The following CFDP1 variants were observed in gnomAD, a reference collection of about 807,000 sequenced individuals.
CFDP1 encodes chromatin remodeling protein CFDP1.
Under a neutral mutation model 40.1 loss-of-function variants are expected in CFDP1, and 31 were observed. That is an observed-to-expected ratio of 0.77 (90% CI 0.58 to 1.04). The LOEUF (loss-of-function observed/expected upper bound fraction) is 1.04, where lower values mean the gene tolerates loss of function less well. Ranked by LOEUF, CFDP1 falls within the 50% of genes least tolerant of loss-of-function variation. The pLI is 0.00. For synonymous variants in CFDP1, 167 were observed against 120.0 expected, an observed-to-expected ratio of 1.39 and a Z score of -2.56; for missense variants, 423 against 343.4, an observed-to-expected ratio of 1.23 and a Z score of -1.83.
Position 75,401,551 on chromosome 16 carries a change from G to T in CFDP1, c.531-6342C>A, listed in dbSNP as rs533275493. Among the ~76,000 whole-genome samples, 8 of 152,078 alleles carry T rather than the reference G, an allele frequency of 5.3e-5. No homozygotes were observed. The South Asian group carries it at 1.7e-3, about 32-fold the overall frequency. Reference sequence around the variant, plus strand: ...GGAGGCAGAGGTTTCAGTGAGCTGAGATAGCGCCACTACACTCCAGTCTGG... The same window carrying T: ...GGAGGCAGAGGTTTCAGTGAGCTGATATAGCGCCACTACACTCCAGTCTGG... On this transcript the variant is annotated intron_variant, in intron 4 of 6. Coordinates refer to ENST00000283882, the MANE Select transcript of CFDP1 (RefSeq NM_006324.3).
intron 5 of CFDP1, among the ~76,000 whole-genome samples, chr16:75,381,443 T>C (rs1549306): frequency 0.52 from 79,583 of 151,856 alleles, 21,788 homozygotes; most frequent in Admixed American, 0.64. Context: ...AAAGGACTCA[T>C]TGGATTGGGC....
intron 5 of CFDP1, among the ~76,000 whole-genome samples, chr16:75,353,529 A>C (rs942157518): frequency 2.0e-5 from 3 of 152,086 alleles, no homozygotes; most frequent in African/African-American, 7.2e-5. Flanking sequence ...TGGGAGGCCG[A>C]GGCGGGCAGA....
chr16:75,338,556 T>C (rs578009710), intron 5 of CFDP1, among the ~76,000 whole-genome samples: 2 of 152,292 alleles, frequency 1.3e-5, no homozygotes, highest in East Asian at 1.9e-4. Context: ...TGGGTGGCTG[T>C]TTCTACCTGC....
intron 4 of CFDP1, among the ~76,000 whole-genome samples, chr16:75,410,943 G>C (rs1244152059): frequency 6.7e-6 from 1 of 150,138 alleles, no homozygotes; most frequent in Non-Finnish European, 1.5e-5. Flanking sequence ...AAAAGGCCAG[G>C]AGTGGCAGCT....
intron 4 of CFDP1, among the ~76,000 whole-genome samples, chr16:75,402,913 ATATAT>A (rs145069352): frequency 0.031 from 4,710 of 152,170 alleles, 218 homozygotes; most frequent in African/African-American, 0.1. Context: ...TTCATGTTAT[ATATAT>A]TATATATCTC....
At chr16:75,374,051 A>G (rs2078773313) in intron 5 of CFDP1, among the ~76,000 whole-genome samples, 1 of 151,660 alleles carries the variant, frequency 6.6e-6, no homozygotes. Context: ...TAAGGAGTTC[A>G]AGACAAGCCT....
intron 5 of CFDP1, among the ~76,000 whole-genome samples, chr16:75,368,816 G>A (rs185632544): frequency 3.3e-5 from 5 of 151,956 alleles, no homozygotes; most frequent in Admixed American, 2.6e-4. Context: ...TGCATTTTTT[G>A]TAGAGATGGA....
At chr16:75,339,027 A>G (rs912671539) in intron 5 of CFDP1, among the ~76,000 whole-genome samples, 4 of 151,990 alleles carry the variant, frequency 2.6e-5, no homozygotes, top group African/African-American at 9.7e-5. Context: ...TTCAATCTAC[A>G]AATTGTTGCT....
chr16:75,382,485 T>C (rs2078860666), intron 5 of CFDP1, among the ~76,000 whole-genome samples: 1 of 152,216 alleles, frequency 6.6e-6, no homozygotes, highest in African/African-American at 2.4e-5. Context: ...ACACAGCTGA[T>C]CCAAGTTAGC....
Position 75,302,089 on chromosome 16 carries a change from C to T in CFDP1, c.809+2935G>A, listed in dbSNP as rs1300594865. ...TCAAGCAAAGGAGGGAAAAGCAGAG[C>T]ATAAAGGAGGATGGTATTAGTTAGT... On this transcript the variant is annotated intron_variant, in intron 6 of 6. Coordinates refer to ENST00000283882, the MANE Select transcript of CFDP1 (RefSeq NM_006324.3). 2.6e-5 allele frequency among the ~76,000 whole-genome samples: 4 copies of T among 152,114 alleles called. No individual in the cohort carries two copies. The East Asian group carries it at 7.7e-4, about 29-fold the overall frequency.
chr16:75,379,121 T>C (rs1269857952), intron 5 of CFDP1, among the ~76,000 whole-genome samples: 2 of 151,546 alleles, frequency 1.3e-5, no homozygotes, highest in African/African-American at 4.9e-5. Flanking sequence ...AAGAAATACA[T>C]ACAGTGTAAA....
At chr16:75,336,416 G>T (rs971415216) in intron 5 of CFDP1, among the ~76,000 whole-genome samples, 1 of 152,230 alleles carries the variant, frequency 6.6e-6, no homozygotes, top group Admixed American at 6.5e-5. Flanking sequence ...CAAGAACATT[G>T]TAAGCAGCAA....
intron 5 of CFDP1, among the ~76,000 whole-genome samples, chr16:75,369,723 T>G (rs1401609130): frequency 1.3e-5 from 2 of 152,212 alleles, no homozygotes; most frequent in African/African-American, 4.8e-5. Context: ...GGCCTCCTTT[T>G]GTTTGACCAA....
chr16:75,368,339 A>G (rs1054332579), intron 5 of CFDP1, among the ~76,000 whole-genome samples: 1 of 152,208 alleles, frequency 6.6e-6, no homozygotes, highest in Non-Finnish European at 1.5e-5. Flanking sequence ...ACAGCACGTT[A>G]AAGTTTTGCT....
chr16:75,350,831 C>T (rs528405339), intron 5 of CFDP1, among the ~76,000 whole-genome samples: 2 of 152,012 alleles, frequency 1.3e-5, no homozygotes, highest in East Asian at 1.9e-4. Context: ...ATCCAAGATA[C>T]GCAAGATAAA....
chr16:75,351,759 G>A (rs1170149972), intron 5 of CFDP1, among the ~76,000 whole-genome samples: 3 of 152,150 alleles, frequency 2.0e-5, no homozygotes, highest in Non-Finnish European at 4.4e-5. Context: ...TGTAATTCCA[G>A]CACTTTGGGA....
chr16:75,391,331 G>A (rs566239090), intron 5 of CFDP1: 4 of 152,258 alleles, frequency 2.6e-5, no homozygotes, highest in African/African-American at 2.4e-5. Context: ...TAACTTCATA[G>A]CAATACTTTC....
At chr16:75,324,625 C>T (rs747946346) in intron 5 of CFDP1, 1 of 151,864 alleles carries the variant, frequency 6.6e-6, no homozygotes, top group Non-Finnish European at 1.5e-5. Flanking sequence ...TCCTGGTAAT[C>T]TCAGCTACTC....
At chr16:75,309,036 T>A (rs1321626044) in intron 5 of CFDP1, among the ~76,000 whole-genome samples, 1 of 152,196 alleles carries the variant, frequency 6.6e-6, no homozygotes, top group East Asian at 1.9e-4. Flanking sequence ...AGCAAAATAA[T>A]CTGTCTTTTA....
Sources: allele counts gnomAD v4.1 joint callset (sites outside exome capture counted in the v4.1 genomes callset), GRCh38; gene constraint gnomAD v4.1.1; transcripts MANE v1.5; gene names NCBI Gene and HGNC (gene_info 2026-07-23, HGNC 2026-07-21).